The following CPNE4 variants were observed in gnomAD, a reference collection of about 807,000 sequenced individuals.
CPNE4 encodes copine-4.
In CPNE4, 25 loss-of-function variants were observed where a neutral mutation model predicts 67.9. That is an observed-to-expected ratio of 0.37 (90% confidence interval 0.27 to 0.51). The LOEUF is 0.51. CPNE4 is among the 20% of genes least tolerant of loss of function. CPNE4 has a pLI of 0.93. For synonymous variants in CPNE4, 242 were observed against 244.9 expected (o/e 0.99, Z 0.11); for missense variants, 464 against 690.8 (o/e 0.67, Z 3.68).
At chr3:131,567,520 G>T (rs927052849) in intron 10 of CPNE4, among the ~76,000 whole-genome samples, 1 of 151,916 alleles carries the variant, frequency 6.6e-6, no homozygotes, top group African/African-American at 2.4e-5. Flanking sequence ...TGCAAAATCC[G>T]CAGAGTGAGA....
rs1269795582 is a variant in CPNE4 at position 131,801,516 on chromosome 3, T to TA, written c.181-77892dup. The stretch of plus-strand genomic sequence containing the variant: ...AAGAGTTGAATCTATACGATTAGGG[T>TA]AAAAAAAAAGTTGCCTTGTGACCTT... On this transcript the variant is annotated intron_variant, in intron 2 of 15. Transcript: ENST00000429747. 1.5e-4 allele frequency among the ~76,000 whole-genome samples: 19 copies of TA among 130,538 alleles called. No homozygotes were observed. The South Asian group carries it at 3.2e-3, about 22-fold the overall frequency. The allele number at this position is 130,538 out of a possible 152,430, so 85.6% of individuals were successfully genotyped here.
intron 1 of CPNE4, among the ~76,000 whole-genome samples, chr3:131,916,931 T>C (rs754984236): frequency 1.5e-4 from 23 of 152,196 alleles, no homozygotes; most frequent in Non-Finnish European, 2.9e-4. Flanking sequence ...AAGTCTGTCA[T>C]TGCCCTATTT....
At chr3:131,907,026 C>A (rs1024893781) in intron 1 of CPNE4, among the ~76,000 whole-genome samples, 2 of 152,034 alleles carry the variant, frequency 1.3e-5, no homozygotes, top group East Asian at 1.9e-4. Flanking sequence ...AACAAACAAC[C>A]CCATCAAAAA....
intron 7 of CPNE4, among the ~76,000 whole-genome samples, chr3:131,644,338 AG>A (rs2079610225): frequency 1.3e-5 from 2 of 151,950 alleles, no homozygotes; most frequent in South Asian, 2.1e-4. Context: ...TATTGGAGAC[AG>A]GGTTTCACCA....
chr3:131,649,125 G>T (rs982068640), intron 7 of CPNE4, among the ~76,000 whole-genome samples: 1 of 152,164 alleles, frequency 6.6e-6, no homozygotes, highest in African/African-American at 2.4e-5. Context: ...AAAAGCAGCA[G>T]CTTTTGGTAC....
chr3:131,664,026 T>C (rs2080197665), intron 7 of CPNE4, among the ~76,000 whole-genome samples: 1 of 152,196 alleles, frequency 6.6e-6, no homozygotes, highest in Admixed American at 6.5e-5. Flanking sequence ...ATAGCTCCTA[T>C]CAACCATACT....
At chr3:131,759,657 C>T (rs1282365926) in intron 2 of CPNE4, among the ~76,000 whole-genome samples, 2 of 152,164 alleles carry the variant, frequency 1.3e-5, no homozygotes, top group East Asian at 1.9e-4. Flanking sequence ...CAATCAAGTA[C>T]TGATGTTGTA....
At chr3:131,874,858 A>G (rs983586826) in intron 2 of CPNE4, among the ~76,000 whole-genome samples, 1 of 152,162 alleles carries the variant, frequency 6.6e-6, no homozygotes, top group Non-Finnish European at 1.5e-5. Context: ...AAAAAGGAAA[A>G]TCACGTGTAT....
At chr3:131,536,620 C>G (rs1388957481) in intron 15 of CPNE4, among the ~76,000 whole-genome samples, 1 of 152,218 alleles carries the variant, frequency 6.6e-6, no homozygotes, top group African/African-American at 2.4e-5. Flanking sequence ...AAAAATAATT[C>G]ACTCTATCTC....
At chr3:131,616,266 G>A (rs1262963204) in intron 7 of CPNE4, among the ~76,000 whole-genome samples, 5 of 152,096 alleles carry the variant, frequency 3.3e-5, no homozygotes, top group Non-Finnish European at 7.4e-5. Flanking sequence ...TAGCTGAGTT[G>A]CCATAATGGT....
intron 1 of CPNE4, among the ~76,000 whole-genome samples, 187 bp from the exon 2 acceptor site, chr3:131,905,631 C>A (rs1013357768): frequency 6.6e-6 from 1 of 152,044 alleles, no homozygotes; most frequent in South Asian, 2.1e-4. Context: ...AACAAACAAA[C>A]AAAAAACAGG....
intron 2 of CPNE4, among the ~76,000 whole-genome samples, chr3:131,872,726 G>T (rs74902792): frequency 0.35 from 53,804 of 151,722 alleles, 10,716 homozygotes; most frequent in African/African-American, 0.54. Context: ...TTATCTCTCG[G>T]GATAATTGAC....
Position 132,034,800 on chromosome 3 carries a change from T to C in CPNE4, c.-235A>G, listed in dbSNP as rs1485043349. The C allele has an allele frequency of 2.0e-6, 2 of 985,192 alleles. No individual in the cohort carries two copies. Among genetic ancestry groups the C allele is most frequent in the Non-Finnish European group, 2.4e-6 (2 of 830,064 alleles). The allele number at this position is 985,192 out of a possible 1,614,324, so 61.0% of individuals were successfully genotyped here. On this transcript the variant is annotated 5_prime_UTR_variant, in exon 1 of 16. It removes an upstream start codon present in the reference 5' UTR. Coordinates refer to ENST00000429747, the MANE Select transcript of CPNE4 (RefSeq NM_130808.3). ...GGTCTCTCCGGAAACCCTGACTCCA[T>C]TCTCGGTGATGGGGGTGGGGGAAGA...
chr3:131,573,754 C>T (rs910072542), intron 10 of CPNE4, among the ~76,000 whole-genome samples: 1 of 152,044 alleles, frequency 6.6e-6, no homozygotes, highest in East Asian at 1.9e-4. Context: ...CACAGGACAG[C>T]TAGAGTTAGA....
chr3:131,604,683 A>G (rs1380869965), intron 7 of CPNE4, among the ~76,000 whole-genome samples: 1 of 152,032 alleles, frequency 6.6e-6, no homozygotes, highest in Non-Finnish European at 1.5e-5. Context: ...TGGAACTCGG[A>G]CTGGCTCTCC....
chr3:131,799,929 G>GT lies in CPNE4; in HGVS notation c.181-76305dup, dbSNP rs1217613758. On this transcript the variant is annotated intron_variant, in intron 2 of 15. Transcript: ENST00000429747. The stretch of plus-strand genomic sequence containing the variant: ...GTGTGTGTGTGTGTGTTGTGTGTGT[G>GT]TGTGTGTGTGTGTGTGTGTGTGTGT... Among the ~76,000 whole-genome samples the GT allele has an allele frequency of 3.5e-3, 306 of 86,656 alleles. 1 individual carries two copies. Among genetic ancestry groups the GT allele is most frequent in the African/African-American group, 0.017 (298 of 18,058 alleles). The allele number at this position is 86,656 out of a possible 152,430, so 56.8% of individuals were successfully genotyped here.
At chr3:131,749,547 G>A (rs1199757028) in intron 2 of CPNE4, among the ~76,000 whole-genome samples, 1 of 152,090 alleles carries the variant, frequency 6.6e-6, no homozygotes, top group Non-Finnish European at 1.5e-5. Flanking sequence ...AGAGAGGGGT[G>A]TACTGAAGTC....
intron 2 of CPNE4, among the ~76,000 whole-genome samples, chr3:131,768,513 G>A (rs944299493): frequency 2.2e-4 from 33 of 152,080 alleles, no homozygotes; most frequent in African/African-American, 7.7e-4. Context: ...TTAAGAAAGT[G>A]TAGTACTTAA....
chr3:131,823,225 T>A (rs990390982), intron 2 of CPNE4, among the ~76,000 whole-genome samples: 1 of 152,368 alleles, frequency 6.6e-6, no homozygotes, highest in African/African-American at 2.4e-5. Flanking sequence ...CTATGTGCCA[T>A]GCATTGTGCT....
Sources: allele counts gnomAD v4.1 joint callset (sites outside exome capture counted in the v4.1 genomes callset), GRCh38; gene constraint gnomAD v4.1.1; transcripts MANE v1.5; gene names NCBI Gene and HGNC (gene_info 2026-07-23, HGNC 2026-07-21).